The following MIER3 variants were observed in gnomAD, a reference collection of about 807,000 sequenced individuals.
The protein encoded by MIER3 is MIER family member 3.
In MIER3, 9 loss-of-function variants were observed where a neutral mutation model predicts 63.2. The observed-to-expected ratio is 0.14, with a 90% CI of 0.09 to 0.25. The LOEUF is 0.25. Among genes scored for constraint, MIER3 ranks in the 10% least tolerant of loss-of-function variants. The pLI is 1.00. For missense variants in MIER3, 512 were observed against 666.2 expected (o/e 0.77, Z 2.55); for synonymous variants, 205 against 224.9 (o/e 0.91, Z 0.79).
Position 56,937,957 on chromosome 5 carries a change from T to C in MIER3, c.316-259A>G, listed in dbSNP as rs1002719173. Among the ~76,000 whole-genome samples the C allele has an allele frequency of 3.3e-5, 5 of 151,928 alleles. 1 individual carries two copies. The highest frequency in any genetic ancestry group is 7.4e-5 in the Non-Finnish European group (5 of 67,992). On this transcript the variant is annotated intron_variant, in intron 4 of 12. Transcript: ENST00000381199. ...AATTTGTGGGTATGCAGAGAGCTTATCTAAAGCTGTAGGCTAATTTTTAGT... is the reference window on the plus strand; with the variant it reads ...AATTTGTGGGTATGCAGAGAGCTTACCTAAAGCTGTAGGCTAATTTTTAGT...
intron 1 of MIER3, among the ~76,000 whole-genome samples, chr5:56,951,814 A>C (rs2112164517): frequency 1.3e-5 from 2 of 151,294 alleles, no homozygotes; most frequent in East Asian, 3.9e-4. Flanking sequence ...GGCAGGGCTC[A>C]CTGCAGCCGG....
At position 56,924,118 on chromosome 5, in the gene MIER3, C is replaced by G. The variant is rs1232535500; in HGVS notation, c.925-76G>C. The G allele has an allele frequency of 7.1e-6, 10 of 1,410,184 alleles. No homozygotes were observed. In the South Asian group the frequency reaches 1.3e-4, roughly 18 times the overall value. The allele number at this position is 1,410,184 out of a possible 1,614,324, so 87.4% of individuals were successfully genotyped here. On this transcript the variant is annotated intron_variant, in intron 10 of 12. Transcript: ENST00000381199. Reference sequence around the variant, plus strand: ...TAAGCAACTTTTCTTTTCCACAACACTACAACTTCAATCCATGGGTCTTAT... The same window carrying G: ...TAAGCAACTTTTCTTTTCCACAACAGTACAACTTCAATCCATGGGTCTTAT...
intron 4 of MIER3, chr5:56,938,435 A>G (rs1369593977): frequency 4.3e-6 from 2 of 466,246 alleles, no homozygotes; most frequent in African/African-American, 4.0e-5. Context: ...CAACCAGCCT[A>G]CGTTAGAGAT....
intron 7 of MIER3, among the ~76,000 whole-genome samples, chr5:56,933,882 C>T (rs1750356732): frequency 6.6e-6 from 1 of 151,790 alleles, no homozygotes; most frequent in Non-Finnish European, 1.5e-5. Flanking sequence ...CTTTTTCTCC[C>T]AACAAGATAA....
At chr5:56,931,086 T>G (rs1750250521) in intron 8 of MIER3, among the ~76,000 whole-genome samples, 2 of 152,154 alleles carry the variant, frequency 1.3e-5, no homozygotes, top group South Asian at 2.1e-4. Context: ...TTTGGAAAAA[T>G]TAGTTACAGT....
chr5:56,930,631 C>A, intron 9 of MIER3, 33 bp downstream of exon 9: 1 of 1,571,124 alleles, frequency 6.4e-7, no homozygotes, highest in Non-Finnish European at 8.8e-7. Flanking sequence ...CCATCCCTGT[C>A]ATGTCCCTCT....
intron 1 of MIER3, 113 bp from the exon 2 acceptor site, chr5:56,950,765 AGTGCAAGAC>A: frequency 3.3e-6 from 4 of 1,217,530 alleles, no homozygotes; most frequent in Non-Finnish European, 2.4e-6. Context: ...AGCTGCCAAA[AGTGCAAGAC>A]GTAGCTTCAC....
chr5:56,941,094 A>C, intron 3 of MIER3: 1 of 985,416 alleles, frequency 1.0e-6, no homozygotes, highest in Non-Finnish European at 1.2e-6. Flanking sequence ...ATACAAATGA[A>C]ATTTACTGAA....
In MIER3 at chr5:56,924,031, C is replaced by T. The variant is rs755649158; in HGVS notation, c.936G>A (p.Arg312=). The change falls in exon 11 of 13, where the codon AGG becomes AGA. Residue 312 remains arginine, a synonymous_variant. Transcript: ENST00000381199. ...AGAATGCTACACACTCAGCAACTGT[C>T]CTAGTTCTCACCTAATGAAAAAGTT... is the stretch of plus-strand genomic sequence containing the variant. ...HLIQKNKVRT[R]TVAECVAFYY... 1.6e-5 allele frequency: 25 copies of T among 1,606,174 alleles called. No homozygotes were observed. The Admixed American group carries it at 3.3e-4, about 21-fold the overall frequency.
At position 56,951,227 on chromosome 5, in the gene MIER3, C is replaced by T. The variant is rs1751014464; in HGVS notation, c.10-575G>A. On this transcript the variant is annotated intron_variant, in intron 1 of 12. Transcript: ENST00000381199. ...CTCTCTCGAGTCCAGAGATGCAGCT[C>T]CTCTCAGTTCCAGGGATGCTGGCTC... Among the ~76,000 whole-genome samples the T allele has an allele frequency of 3.9e-5, 6 of 152,054 alleles. No homozygotes were observed. The South Asian group carries it at 1.2e-3, about 32-fold the overall frequency.
At chr5:56,941,607 G>A (rs1750648743) in intron 3 of MIER3, 1 of 152,240 alleles carries the variant, frequency 6.6e-6, no homozygotes, top group Non-Finnish European at 1.5e-5. Flanking sequence ...TGGCTCAAGA[G>A]AATGGAAAGA....
intron 4 of MIER3, 63 bp from the exon 5 acceptor site, chr5:56,937,761 T>C (rs927953747): frequency 3.3e-5 from 48 of 1,433,478 alleles, no homozygotes; most frequent in African/African-American, 4.4e-5. Flanking sequence ...TTAAGAAAAC[T>C]ATCTTTTTAT....
In MIER3 at chr5:56,922,505, T is replaced by TG. The variant is rs1459506995; in HGVS notation, c.*622dup. 2 of 152,868 alleles carry TG rather than the reference T, an allele frequency of 1.3e-5. No individual in the cohort carries two copies. Among genetic ancestry groups the TG allele is most frequent in the Non-Finnish European group, 2.9e-5 (2 of 68,200 alleles). 9.5% of individuals were successfully genotyped at this position (152,868 alleles called of 1,614,324 possible). ...GTGCTGGCTTCCATAAAGATGGACTTGCTGTTTTGTAAACTGAAGTGCTCT... is the reference window on the plus strand; with the variant it reads ...GTGCTGGCTTCCATAAAGATGGACTTGGCTGTTTTGTAAACTGAAGTGCTCT... On this transcript the variant is annotated 3_prime_UTR_variant, in exon 13 of 13. Coordinates refer to ENST00000381199, the MANE Select transcript of MIER3 (RefSeq NM_001297599.2).
chr5:56,950,310 A>C (rs755973889), intron 2 of MIER3, among the ~76,000 whole-genome samples: 26 of 152,252 alleles, frequency 1.7e-4, no homozygotes, highest in Non-Finnish European at 1.8e-4. Context: ...AAATTGCTAA[A>C]GTTGGTGTCA....
At chr5:56,926,599 A>G (rs1749994037) in intron 10 of MIER3, among the ~76,000 whole-genome samples, 1 of 152,202 alleles carries the variant, frequency 6.6e-6, no homozygotes, top group East Asian at 1.9e-4. Flanking sequence ...AATGCTGGTG[A>G]AGATGTAGAG....
At chr5:56,936,947 A>G (rs1299085947) in intron 5 of MIER3, 1 of 152,218 alleles carries the variant, frequency 6.6e-6, no homozygotes, top group Admixed American at 6.5e-5. Context: ...CTTTTAATAG[A>G]AATTCAAATA....
In MIER3 at chr5:56,923,051, TG is replaced by T; in HGVS notation, c.*76del. ...TAGTGAGAAAGGTTCAAACTTCCAG[TG>T]AAAGACTATGCAAACCTGATAGCTC... is the stretch of plus-strand genomic sequence containing the variant. On this transcript the variant is annotated 3_prime_UTR_variant, in exon 13 of 13. Coordinates refer to ENST00000381199, the MANE Select transcript of MIER3 (RefSeq NM_001297599.2). 8.0e-7 allele frequency: 1 copy of T among 1,247,916 alleles called. No individual in the cohort carries two copies. The highest frequency in any genetic ancestry group is 2.5e-5 in the East Asian group (1 of 40,270). 77.3% of individuals were successfully genotyped at this position (1,247,916 alleles called of 1,614,324 possible). A position where few individuals can be genotyped will look rare whatever the true frequency, so the allele number is the denominator to read the frequency against.
At chr5:56,943,985 AGG>A (rs1438901383) in intron 3 of MIER3, among the ~76,000 whole-genome samples, 2 of 152,218 alleles carry the variant, frequency 1.3e-5, no homozygotes, top group Non-Finnish European at 2.9e-5. Flanking sequence ...AACCAGATTT[AGG>A]GCAAAAGATC....
At chr5:56,950,769 C>G (rs763116386) in intron 1 of MIER3, 117 bp from the exon 2 acceptor site, 44 of 1,153,380 alleles carry the variant, frequency 3.8e-5, no homozygotes, top group Non-Finnish European at 5.5e-5. Flanking sequence ...GCCAAAAGTG[C>G]AAGACGTAGC....
Sources: allele counts gnomAD v4.1 joint callset (sites outside exome capture counted in the v4.1 genomes callset), GRCh38; gene constraint gnomAD v4.1.1; transcripts MANE v1.5; gene names NCBI Gene and HGNC (gene_info 2026-07-23, HGNC 2026-07-21).